The following FOXO3B variants were observed in gnomAD, a reference collection of about 807,000 sequenced individuals.
FOXO3B encodes forkhead box protein O3B.
In FOXO3B, 15 loss-of-function variants were observed where a neutral mutation model predicts 21.9. That is an observed-to-expected ratio of 0.68 (90% confidence interval 0.46 to 1.05). FOXO3B has a LOEUF of 1.05. Ranked by LOEUF, FOXO3B falls within the 50% of genes least tolerant of loss-of-function variation. The pLI, the probability that FOXO3B is intolerant of heterozygous loss-of-function variation, is 0.00. For missense variants in FOXO3B, 293 were observed against 435.5 expected, an observed-to-expected ratio of 0.67 and a Z score of 2.91; for synonymous variants, 135 against 213.6, an observed-to-expected ratio of 0.63 and a Z score of 3.21.
chr17:18,674,848 C>T (rs2151735818), intron 3 of FOXO3B, among the ~76,000 whole-genome samples: 1 of 152,254 alleles, frequency 6.6e-6, no homozygotes, highest in East Asian at 1.9e-4. Flanking sequence ...GATCGAATGG[C>T]TGCAGAGACA....
At chr17:18,677,911 CAAAA>C (rs57669387) in intron 3 of FOXO3B, among the ~76,000 whole-genome samples, 2,152 of 92,738 alleles carry the variant, frequency 0.023, 41 homozygotes, top group African/African-American at 0.081. Context: ...GTTGGAAAAG[CAAAA>C]AAAAAAAAAA....
At chr17:18,675,298 C>T (rs189807091) in intron 3 of FOXO3B, among the ~76,000 whole-genome samples, 2 of 152,066 alleles carry the variant, frequency 1.3e-5, no homozygotes, top group East Asian at 3.9e-4. Flanking sequence ...TAAACTTGTA[C>T]ATCAAAATGC....
At chr17:18,681,055 A>G (rs1343313129) in intron 2 of FOXO3B, among the ~76,000 whole-genome samples, 1 of 151,916 alleles carries the variant, frequency 6.6e-6, no homozygotes, top group Non-Finnish European at 1.5e-5. Flanking sequence ...ATTCTGTAAG[A>G]TGGCATCCTC....
At chr17:18,677,172 C>G (rs1169470967) in intron 3 of FOXO3B, 4 of 1,116,078 alleles carry the variant, frequency 3.6e-6, no homozygotes, top group Non-Finnish European at 5.2e-6. Flanking sequence ...GTAATTGGTA[C>G]AATGACTCTA....
chr17:18,671,752 C>T lies in FOXO3B; in HGVS notation c.*557G>A, dbSNP rs368981986. On this transcript the variant is annotated 3_prime_UTR_variant, in exon 4 of 4. Coordinates refer to ENST00000395675, the MANE Select transcript of FOXO3B (RefSeq NM_001368135.1). ...TGGGATGGCGGGAGCGTGATGTTAT[C>T]CAGCAGGTCGTCCATGAGGTTTTCA... The T allele has an allele frequency of 1.2e-6, 2 of 1,613,676 alleles. No individual in the cohort carries two copies. The highest frequency in any genetic ancestry group is 2.2e-5 in the East Asian group (1 of 44,874).
At chr17:18,676,493 T>C (rs1597496498) in intron 3 of FOXO3B, among the ~76,000 whole-genome samples, 1 of 152,168 alleles carries the variant, frequency 6.6e-6, no homozygotes, top group South Asian at 2.1e-4. Context: ...TTAACATAGA[T>C]TAATATCAAA....
rs537480601 is a variant in FOXO3B, at chr17:18,670,468, C to G, written c.*1841G>C. On this transcript the variant is annotated 3_prime_UTR_variant, in exon 4 of 4. Transcript: ENST00000395675. Reference sequence around the variant, plus strand: ...GGTTAACATTTTAACAGAAAAATACCGCAAGTTAATGCATGTGAAAAACTC... The same window carrying G: ...GGTTAACATTTTAACAGAAAAATACGGCAAGTTAATGCATGTGAAAAACTC... Among the ~76,000 whole-genome samples, 1 of 152,050 alleles carries G rather than the reference C, an allele frequency of 6.6e-6. No homozygotes were observed. Among genetic ancestry groups the G allele is most frequent in the Non-Finnish European group, 1.5e-5 (1 of 68,018 alleles).
Position 18,672,019 on chromosome 17 carries a change from A to C in FOXO3B, c.*290T>G. On this transcript the variant is annotated 3_prime_UTR_variant, in exon 4 of 4. Coordinates refer to ENST00000395675, the MANE Select transcript of FOXO3B (RefSeq NM_001368135.1). The surrounding 1 kb of genome is among the most constrained non-coding windows in gnomAD (Gnocchi z 4.2). ...TGAACGGAAGTCCGTCCACGCATCC[A>C]GCTCATCACTGCTGCGTGACGTGGG... 6.2e-7 allele frequency: 1 copy of C among 1,612,032 alleles called. No individual in the cohort carries two copies. Among genetic ancestry groups the C allele is most frequent in the Non-Finnish European group, 8.5e-7 (1 of 1,179,074 alleles).
In FOXO3B at chr17:18,671,931, C is replaced by G. The variant is rs2032374332; in HGVS notation, c.*378G>C. 13 of 1,613,684 alleles carry G rather than the reference C, an allele frequency of 8.1e-6. No individual in the cohort carries two copies. The Admixed American group carries it at 2.2e-4, about 27-fold the overall frequency. The stretch of plus-strand genomic sequence containing the variant: ...CATCGTCGTCCTGGACTTCATCCAA[C>G]TCTGTGCTTGCCATGATGGGCGACA... On this transcript the variant is annotated 3_prime_UTR_variant, in exon 4 of 4. Coordinates refer to ENST00000395675, the MANE Select transcript of FOXO3B (RefSeq NM_001368135.1).
At position 18,672,801 on chromosome 17, in the gene FOXO3B, C is replaced by G. The variant is rs1041880741; in HGVS notation, c.381G>C (p.Ala127=). 1.4e-5 allele frequency: 22 copies of G among 1,558,912 alleles called. No individual in the cohort carries two copies. Among genetic ancestry groups the G allele is most frequent in the East Asian group, 2.4e-5 (1 of 42,382 alleles). ...TWPLQRPELQ[A]SPAKPSGETA... is the part of the protein sequence containing the mutation. Reference sequence around the variant, plus strand: ...TCTCCCCCGAGGGCTTGGCAGGGCTCGCTTGGAGCTCCGGCCTTTGCAGGG... The same window carrying G: ...TCTCCCCCGAGGGCTTGGCAGGGCTGGCTTGGAGCTCCGGCCTTTGCAGGG... Residue 127 remains alanine (A), a synonymous_variant, in exon 4 of 4, where the codon GCG becomes GCC. Transcript: ENST00000395675. This position sits in a 1 kb window ranked among gnomAD's most constrained non-coding sequence, Gnocchi z 4.2.
Position 18,680,807 on chromosome 17 carries a change from G to C in FOXO3B, c.60C>G (p.Pro20=). 1 of 1,610,986 alleles carries C rather than the reference G, an allele frequency of 6.2e-7. No homozygotes were observed. Among genetic ancestry groups the C allele is most frequent in the Non-Finnish European group, 8.5e-7 (1 of 1,178,288 alleles). Residue 20 remains proline, a synonymous_variant, in exon 3 of 4, where the codon CCC becomes CCG. Transcript: ENST00000395675. ...EKGVLSSQDS[P]HFQEKSTEEG... ...CTTCTGTGCTCTTCTCTTGGAAATG[G>C]GGAGAATCCTGGGAAGACAGAACTA...
At position 18,672,309 on chromosome 17, in the gene FOXO3B, C is replaced by G; in HGVS notation, c.873G>C (p.Ter291TyrextTer178). Residue 291 changes from the stop codon to tyrosine, a stop_lost, in exon 4 of 4, where the codon TAG (stop) becomes TAC (tyrosine). Transcript: ENST00000395675. This position sits in a 1 kb window ranked among gnomAD's most constrained non-coding sequence, Gnocchi z 4.2. ...ACAGGTTGTGCCGGATGGAGTTCTT[C>G]TAGCCGGCAGAGCTGTTGCTGTTGC... ...DKGNSNSSAG* is the reference protein window; with the variant it reads ...DKGNSNSSAGY 7 of 1,612,936 alleles carry G rather than the reference C, an allele frequency of 4.3e-6. No homozygotes were observed. The highest frequency in any genetic ancestry group is 5.9e-6 in the Non-Finnish European group (7 of 1,179,192).
chr17:18,681,117 G>C (rs539196975), intron 2 of FOXO3B, among the ~76,000 whole-genome samples: 1 of 151,772 alleles, frequency 6.6e-6, no homozygotes, highest in Non-Finnish European at 1.5e-5. Context: ...ATCTATACTC[G>C]TTGGTTCTCA....
intron 3 of FOXO3B, among the ~76,000 whole-genome samples, chr17:18,679,581 G>A (rs971422897): frequency 5.9e-5 from 9 of 151,884 alleles, no homozygotes; most frequent in African/African-American, 2.2e-4. Flanking sequence ...CGGAGTGGCT[G>A]GGATTACAAG....
Position 18,670,881 on chromosome 17 carries a change from A to T in FOXO3B, c.*1428T>A. ...GTCAGTTTGAGGGTCTGCTTTGCCCACTTCCCCTTCCTCAGTGATCCTTCA... is the reference window on the plus strand; with the variant it reads ...GTCAGTTTGAGGGTCTGCTTTGCCCTCTTCCCCTTCCTCAGTGATCCTTCA... On this transcript the variant is annotated 3_prime_UTR_variant, in exon 4 of 4. Coordinates refer to ENST00000395675, the MANE Select transcript of FOXO3B (RefSeq NM_001368135.1). 1 of 1,585,658 alleles carries T rather than the reference A, an allele frequency of 6.3e-7. No individual in the cohort carries two copies. The highest frequency in any genetic ancestry group is 1.7e-5 in the Admixed American group (1 of 57,398).
rs185014817 is a variant in FOXO3B at position 18,672,379 on chromosome 17, A to G, written c.803T>C (p.Ile268Thr). Residue 268 changes from isoleucine to threonine, a missense_variant, in exon 4 of 4, where the codon ATC (isoleucine) becomes ACC (threonine). Around this residue, in one of 2 missense-constraint regions of FOXO3B, gnomAD observed 42 missense variants for 31.5 expected, o/e 1.33. Transcript: ENST00000395675. This position sits in a 1 kb window ranked among gnomAD's most constrained non-coding sequence, Gnocchi z 4.2. ...SPDRRLTLSQ[I>T]YEWMVSCVPY... ...CACGCAACTCACCATCCACTCGTAG[A>G]TCTGGGACAGAGTGAGCCGTCTGTC... The G allele has an allele frequency of 5.8e-4, 943 of 1,612,868 alleles. 7 individuals are homozygous for G. The African/African-American group carries it at 8.2e-3, about 14-fold the overall frequency.
chr17:18,675,845 G>A (rs2032473948), intron 3 of FOXO3B, among the ~76,000 whole-genome samples: 2 of 151,776 alleles, frequency 1.3e-5, no homozygotes, highest in Non-Finnish European at 2.9e-5. Context: ...GAACATTTTG[G>A]AATAAAATAA....
chr17:18,676,650 T>C (rs986994651), intron 3 of FOXO3B, among the ~76,000 whole-genome samples: 1 of 152,042 alleles, frequency 6.6e-6, no homozygotes, highest in African/African-American at 2.4e-5. Context: ...TTTCAAGATA[T>C]AATGGTTACT....
At position 18,673,173 on chromosome 17, in the gene FOXO3B, G is replaced by C. The variant is rs564490268; in HGVS notation, c.127-118C>G. Reference sequence around the variant, plus strand: ...CAGTCTTGCCGCGCCCGCCTCCCAGGAACAGGAGACCATACTTCTTAATAA... The same window carrying C: ...CAGTCTTGCCGCGCCCGCCTCCCAGCAACAGGAGACCATACTTCTTAATAA... On this transcript the variant is annotated intron_variant, in intron 3 of 3. Transcript: ENST00000395675. 451 of 1,270,870 alleles carry C rather than the reference G, an allele frequency of 3.5e-4. No homozygotes were observed. In the African/African-American group the frequency reaches 6.8e-3, roughly 19 times the overall value. 78.7% of individuals were successfully genotyped at this position (1,270,870 alleles called of 1,614,324 possible). A position where few individuals can be genotyped will look rare whatever the true frequency, so the allele number is the denominator to read the frequency against.
Sources: gnomAD v4.1 joint callset for allele counts (sites outside exome capture counted in the v4.1 genomes callset) on GRCh38, gnomAD v4.1.1 for gene constraint, gnomAD v4.1.1 regional missense constraint, Gnocchi (gnomAD v3.1) non-coding constraint, MANE v1.5 for transcripts, NCBI Gene and HGNC (gene_info 2026-07-23, HGNC 2026-07-21) for gene names.